Variants in LOXHD1 observed in about 807,000 individuals in gnomAD.
The protein encoded by LOXHD1 is lipoxygenase homology domain-containing protein 1.
Under a neutral mutation model 248.2 loss-of-function variants are expected in LOXHD1, and 205 were observed. That is an observed-to-expected ratio of 0.83 (90% confidence interval 0.74 to 0.93). The LOEUF (loss-of-function observed/expected upper bound fraction) is 0.93, where lower values mean the gene tolerates loss of function less well. Ranked by LOEUF, LOXHD1 falls within the 40% of genes least tolerant of loss-of-function variation. LOXHD1 has a pLI of 0.00. For synonymous variants in LOXHD1, 1,113 were observed against 1,162.8 expected (o/e 0.96, Z 0.87); for missense variants, 2,930 against 2,971.6 (o/e 0.99, Z 0.33).
chr18:46,516,852 CCCTA>C (rs1368339173), intron 34 of LOXHD1, among the ~76,000 whole-genome samples: 2 of 152,042 alleles, frequency 1.3e-5, no homozygotes, highest in East Asian at 3.9e-4. Flanking sequence ...ACATCATCAT[CCCTA>C]CCATCACCTT....
intron 21 of LOXHD1, among the ~76,000 whole-genome samples, chr18:46,549,031 T>G (rs115483078): frequency 6.6e-6 from 1 of 152,298 alleles, no homozygotes; most frequent in African/African-American, 2.4e-5. Context: ...GCGTTCAGCT[T>G]CTATCCCCAC....
chr18:46,519,113 C>G, intron 33 of LOXHD1: 1 of 984,110 alleles, frequency 1.0e-6, no homozygotes, highest in Admixed American at 6.1e-5. Context: ...AGCACTTACA[C>G]TGATGTTCTA....
intron 38 of LOXHD1, among the ~76,000 whole-genome samples, chr18:46,487,194 C>G (rs1351863134): frequency 6.6e-6 from 1 of 152,126 alleles, no homozygotes; most frequent in Non-Finnish European, 1.5e-5. Context: ...GGGCCACCAG[C>G]AAAGCTACTG....
intron 1 of LOXHD1, among the ~76,000 whole-genome samples, chr18:46,654,136 T>C (rs1286749205): frequency 3.3e-5 from 5 of 152,232 alleles, no homozygotes; most frequent in Admixed American, 6.5e-5. Context: ...CCTATTGCCA[T>C]GTGGGAACAC....
At chr18:46,617,439 T>C (rs1260081466) in intron 5 of LOXHD1, among the ~76,000 whole-genome samples, 1 of 152,216 alleles carries the variant, frequency 6.6e-6, no homozygotes, top group Non-Finnish European at 1.5e-5. Flanking sequence ...TTGTTGAGCA[T>C]GAAAGCTCTC....
At chr18:46,582,285 A>G (rs987278967) in intron 12 of LOXHD1, among the ~76,000 whole-genome samples, 1 of 152,226 alleles carries the variant, frequency 6.6e-6, no homozygotes, top group Non-Finnish European at 1.5e-5. Flanking sequence ...AGGAAGGGGA[A>G]GAGAACAAAC....
intron 26 of LOXHD1, among the ~76,000 whole-genome samples, chr18:46,536,805 A>T (rs1319013089): frequency 6.6e-6 from 1 of 152,186 alleles, no homozygotes; most frequent in Non-Finnish European, 1.5e-5. Flanking sequence ...ATCCCCCGGG[A>T]TAGAGACTGG....
At chr18:46,544,898 C>G in intron 23 of LOXHD1, 1 of 473,562 alleles carries the variant, frequency 2.1e-6, no homozygotes, top group South Asian at 1.5e-5. Flanking sequence ...TGACTCCTCT[C>G]TAAACTCAAC....
At chr18:46,613,536 G>C (rs1482079579) in intron 5 of LOXHD1, among the ~76,000 whole-genome samples, 1 of 151,918 alleles carries the variant, frequency 6.6e-6, no homozygotes, top group Non-Finnish European at 1.5e-5. Context: ...AACCGTTATA[G>C]CTTTTATTTA....
chr18:46,500,622 G>A (rs1420776530), intron 37 of LOXHD1, among the ~76,000 whole-genome samples: 2 of 152,112 alleles, frequency 1.3e-5, no homozygotes, highest in African/African-American at 2.4e-5. Flanking sequence ...TTCTTGAGAC[G>A]CTTTGATGGC....
At chr18:46,652,877 T>G (rs182651849) in intron 1 of LOXHD1, among the ~76,000 whole-genome samples, 4 of 152,342 alleles carry the variant, frequency 2.6e-5, no homozygotes, top group Admixed American at 2.6e-4. Flanking sequence ...ATATATTGTG[T>G]CACACGTGGA....
Position 46,572,123 on chromosome 18 carries a change from T to C in LOXHD1, c.2010A>G (p.Arg670=), listed in dbSNP as rs2037764021. 5 of 1,551,836 alleles carry C rather than the reference T, an allele frequency of 3.2e-6. No homozygotes were observed. The highest frequency in any genetic ancestry group is 4.4e-6 in the Non-Finnish European group (5 of 1,147,036). ...DKDKDDGQLV[R]ELLPSDSSAT... ...CGCTGCTGTCACTGGGTAGCAACTC[T>C]CGGACCAGCTGCCCATCATCCTTAT... is the stretch of plus-strand genomic sequence containing the variant. The change falls in exon 15 of 41, where the codon CGA becomes CGG. Residue 670 remains arginine, a synonymous_variant. Transcript: ENST00000642948.
intron 1 of LOXHD1, among the ~76,000 whole-genome samples, chr18:46,651,387 C>T (rs1369624064): frequency 1.3e-5 from 2 of 152,146 alleles, no homozygotes; most frequent in African/African-American, 4.8e-5. Context: ...GAGCCCACTC[C>T]TGACTCCTCT....
chr18:46,654,057 G>A (rs912038782), intron 1 of LOXHD1, among the ~76,000 whole-genome samples: 2 of 152,144 alleles, frequency 1.3e-5, no homozygotes, highest in Non-Finnish European at 2.9e-5. Flanking sequence ...TTTAAGAGGT[G>A]ATTAGGCCAT....
Position 46,604,089 on chromosome 18 carries a change from C to T in LOXHD1, c.883+17G>A, listed in dbSNP as rs889792145. ...AAGTGAAATACCCAAAAGAGCCTCC[C>T]CTTTCTTCAAATCTACCTGTGGTCT... On this transcript the variant is annotated intron_variant, in intron 7 of 40. Coordinates refer to ENST00000642948, the MANE Select transcript of LOXHD1 (RefSeq NM_001384474.1). The T allele has an allele frequency of 2.6e-6, 4 of 1,551,540 alleles. No homozygotes were observed. The highest frequency in any genetic ancestry group is 2.7e-5 in the African/African-American group (2 of 73,056).
intron 4 of LOXHD1, among the ~76,000 whole-genome samples, chr18:46,633,745 T>C (rs1159940338): frequency 6.6e-6 from 1 of 152,222 alleles, no homozygotes; most frequent in Non-Finnish European, 1.5e-5. Flanking sequence ...ATACCCAGAA[T>C]ATGTAACAGA....
chr18:46,631,783 C>T (rs1276380416), intron 4 of LOXHD1, among the ~76,000 whole-genome samples: 1 of 152,228 alleles, frequency 6.6e-6, no homozygotes, highest in Non-Finnish European at 1.5e-5. Flanking sequence ...CCTTGCAGGG[C>T]TTGATGCGAT....
intron 31 of LOXHD1, 84 bp downstream of exon 31, chr18:46,524,382 G>T: frequency 6.7e-7 from 1 of 1,488,992 alleles, no homozygotes; most frequent in Non-Finnish European, 9.1e-7. Flanking sequence ...TGATGGTGGG[G>T]CTCAAGAATG....
At chr18:46,540,323 G>A (rs2036502879) in intron 25 of LOXHD1, among the ~76,000 whole-genome samples, 1 of 152,176 alleles carries the variant, frequency 6.6e-6, no homozygotes, top group Admixed American at 6.5e-5. Context: ...GCCCAGGGAG[G>A]TGACCACTAG....
Sources: gnomAD v4.1 joint callset for allele counts (sites outside exome capture counted in the v4.1 genomes callset) on GRCh38, gnomAD v4.1.1 for gene constraint, MANE v1.5 for transcripts, NCBI Gene and HGNC (gene_info 2026-07-23, HGNC 2026-07-21) for gene names.